The following MMP9 variants were observed in gnomAD, a reference collection of about 807,000 sequenced individuals.
MMP9 encodes the protein matrix metalloproteinase-9.
A neutral mutation model predicts 76.4 loss-of-function variants in MMP9; 73 were observed. That is an observed-to-expected ratio of 0.96 (90% CI 0.79 to 1.16). MMP9 has a LOEUF of 1.16. MMP9 is among the 50% of genes most tolerant of loss of function. MMP9 has a pLI of 0.00. For missense variants in MMP9, 943 were observed against 973.0 expected (o/e 0.97, Z 0.41); for synonymous variants, 412 against 408.4 (o/e 1.01, Z -0.11).
intron 11 of MMP9, 47 bp from the exon 12 acceptor site, chr20:46,014,324 C>G (rs563773373): frequency 1.3e-6 from 2 of 1,540,026 alleles, no homozygotes; most frequent in Non-Finnish European, 1.7e-6. Flanking sequence ...GCCGTCGGTC[C>G]GTCCGCTAGC....
At position 46,013,933 on chromosome 20, in the gene MMP9, TA is replaced by T. The variant is rs2084302467; in HGVS notation, c.1750+138del. The T allele has an allele frequency of 2.1e-6, 3 of 1,429,620 alleles. No individual in the cohort carries two copies. In the Admixed American group the frequency reaches 6.1e-5, roughly 29 times the overall value. The allele number at this position is 1,429,620 out of a possible 1,614,324, so 88.6% of individuals were successfully genotyped here. On this transcript the variant is annotated intron_variant, in intron 10 of 12. Transcript: ENST00000372330. This position sits in a 1 kb window ranked among gnomAD's most constrained non-coding sequence, Gnocchi z 4.5. ...CCTGGCGGACGCAGTTTAGCAAACGTAGGGGCGGCTGAGTTTCTGCCCCCTC... is the reference window on the plus strand; with the variant it reads ...CCTGGCGGACGCAGTTTAGCAAACGTGGGGCGGCTGAGTTTCTGCCCCCTC...
intron 2 of MMP9, 141 bp from the exon 3 acceptor site, chr20:46,010,336 AAAAAAC>A: frequency 1.1e-6 from 1 of 889,874 alleles, no homozygotes. Flanking sequence ...AAAAAAAAAA[AAAAAAC>A]AGTCTGGAAG....
In MMP9 at chr20:46,009,977, G is replaced by T. The variant is rs143695450; in HGVS notation, c.250G>T (p.Gly84Cys). Residue 84 changes from glycine (G) to cysteine (C), a missense_variant, in exon 2 of 13, where the codon GGT (glycine) becomes TGT (cysteine). Physicochemically the swap from Gly to Cys is radical, Grantham distance 159. Transcript: ENST00000372330. ...LQKQLSLPET[G>C]ELDSATLKAM... Reference sequence around the variant, plus strand: ...GAAGCAACTGTCCCTGCCCGAGACCGGTGAGCTGGATAGCGCCACGCTGAA... The same window carrying T: ...GAAGCAACTGTCCCTGCCCGAGACCTGTGAGCTGGATAGCGCCACGCTGAA... 8.9e-5 allele frequency: 138 copies of T among 1,551,698 alleles called. 1 individual carries two copies. Among genetic ancestry groups the T allele is most frequent in the Non-Finnish European group, 1.1e-4 (121 of 1,147,042 alleles).
chr20:46,009,890 A>G lies in MMP9; in HGVS notation c.163A>G (p.Thr55Ala), dbSNP rs1199504802. The change falls in exon 2 of 13, where the codon ACT becomes GCT. Residue 55 changes from threonine to alanine, a missense_variant. Coordinates refer to ENST00000372330, the MANE Select transcript of MMP9 (RefSeq NM_004994.3). ...AEEYLYRYGY[T>A]RVAEMRGESK... ...GGAATACCTGTACCGCTATGGTTAC[A>G]CTCGGGTGGCAGAGATGCGTGGAGA... 1 of 1,552,016 alleles carries G rather than the reference A, an allele frequency of 6.4e-7. No individual in the cohort carries two copies. The highest frequency in any genetic ancestry group is 1.2e-5 in the South Asian group (1 of 84,082).
Position 46,013,526 on chromosome 20 carries a change from C to T in MMP9, c.1602C>T (p.Phe534=). The T allele has an allele frequency of 6.2e-7, 1 of 1,613,932 alleles. No individual in the cohort carries two copies. The highest frequency in any genetic ancestry group is 1.3e-5 in the African/African-American group (1 of 75,056). ...AGATTGGGAACCAGCTGTATTTGTT[C>T]AAGGATGGGTGAGGAGGCGGGGTTG... ...IAEIGNQLYL[F]KDGKYWRFSE... Residue 534 remains phenylalanine, a synonymous_variant, in exon 9 of 13, where the codon TTC becomes TTT. Transcript: ENST00000372330. The surrounding 1 kb of genome is among the most constrained non-coding windows in gnomAD (Gnocchi z 4.5).
chr20:46,010,637 A>G lies in MMP9; in HGVS notation c.520+6A>G. On this transcript the variant is annotated splice_donor_region_variant and intron_variant, in intron 3 of 12. Coordinates refer to ENST00000372330, the MANE Select transcript of MMP9 (RefSeq NM_004994.3). ...CATCCAGTTTGGTGTCGCGGGTGAG[A>G]ACGTGAGGAGGGAAAATCCAAGAGA... is the stretch of plus-strand genomic sequence containing the variant. 1 of 1,612,140 alleles carries G rather than the reference A, an allele frequency of 6.2e-7. No homozygotes were observed. The highest frequency in any genetic ancestry group is 1.1e-5 in the South Asian group (1 of 90,806).
At chr20:46,012,084 A>G in intron 6 of MMP9, 53 bp from the exon 7 acceptor site, 1 of 1,600,152 alleles carries the variant, frequency 6.2e-7, no homozygotes, top group Non-Finnish European at 8.5e-7. Flanking sequence ...TCGGCCCCTG[A>G]CTCCTTATTG....
At position 46,012,420 on chromosome 20, in the gene MMP9, C is replaced by T; in HGVS notation, c.1175-7C>T. The T allele has an allele frequency of 6.2e-7, 1 of 1,614,106 alleles. No homozygotes were observed. The highest frequency in any genetic ancestry group is 8.5e-7 in the Non-Finnish European group (1 of 1,179,956). On this transcript the variant is annotated splice_polypyrimidine_tract_variant and splice_region_variant and intron_variant, in intron 7 of 12. Transcript: ENST00000372330. Reference sequence around the variant, plus strand: ...GCGCTCACGTCTCAGGCTCCCTCTCCCTCCAGGATACAGTTTGTTCCTCGT... The same window carrying T: ...GCGCTCACGTCTCAGGCTCCCTCTCTCTCCAGGATACAGTTTGTTCCTCGT...
Position 46,010,605 on chromosome 20 carries a change from A to G in MMP9, c.494A>G (p.Asp165Gly). The change falls in exon 3 of 13, where the codon GAC becomes GGC. Residue 165 changes from aspartate (D) to glycine (G), a missense_variant. Asp to Gly is a moderately conservative substitution (Grantham distance 94). Transcript: ENST00000372330. Reference sequence around the variant, plus strand: ...ACTCGCGTGTACAGCCGGGACGCAGACATCGTCATCCAGTTTGGTGTCGCG... The same window carrying G: ...ACTCGCGTGTACAGCCGGGACGCAGGCATCGTCATCCAGTTTGGTGTCGCG... Reference protein sequence around the residue: ...TFTRVYSRDADIVIQFGVAEH... With the variant: ...TFTRVYSRDAGIVIQFGVAEH... 1 of 1,613,980 alleles carries G rather than the reference A, an allele frequency of 6.2e-7. No homozygotes were observed. Among genetic ancestry groups the G allele is most frequent in the South Asian group, 1.1e-5 (1 of 91,064 alleles).
Position 46,013,816 on chromosome 20 carries a change from T to C in MMP9, c.1750+20T>C. On this transcript the variant is annotated intron_variant, in intron 10 of 12. Coordinates refer to ENST00000372330, the MANE Select transcript of MMP9 (RefSeq NM_004994.3). The surrounding 1 kb of genome is among the most constrained non-coding windows in gnomAD (Gnocchi z 4.5). ...TCTCTGGTTAGTTACCTACTTTCCC[T>C]CCCCCGCCCGGTCAATCCCCATCAG... 1 of 1,610,978 alleles carries C rather than the reference T, an allele frequency of 6.2e-7. No homozygotes were observed. The highest frequency in any genetic ancestry group is 1.1e-5 in the South Asian group (1 of 90,760).
At position 46,013,875 on chromosome 20, in the gene MMP9, G is replaced by T; in HGVS notation, c.1750+79G>T. 6.3e-7 allele frequency: 1 copy of T among 1,583,394 alleles called. No homozygotes were observed. Among genetic ancestry groups the T allele is most frequent in the Non-Finnish European group, 8.6e-7 (1 of 1,161,266 alleles). On this transcript the variant is annotated intron_variant, in intron 10 of 12. Transcript: ENST00000372330. The surrounding 1 kb of genome is among the most constrained non-coding windows in gnomAD (Gnocchi z 4.5). ...GCTCAAGAGACCATCGATAACCCAC[G>T]AAACGTCTTGTGCGTTTTAGAAAAA...
chr20:46,009,461 C>A (rs2084261948), intron 1 of MMP9, among the ~76,000 whole-genome samples: 1 of 151,940 alleles, frequency 6.6e-6, no homozygotes, highest in Non-Finnish European at 1.5e-5. Flanking sequence ...TCAGAAAGCA[C>A]TGGTGTCTGG....
Position 46,011,594 on chromosome 20 carries a change from A to T in MMP9, c.844A>T (p.Asn282Tyr). 1 of 1,613,392 alleles carries T rather than the reference A, an allele frequency of 6.2e-7. No homozygotes were observed. Among genetic ancestry groups the T allele is most frequent in the Non-Finnish European group, 8.5e-7 (1 of 1,179,870 alleles). The change falls in exon 6 of 13, where the codon AAT becomes TAT. Residue 282 changes from asparagine (N) to tyrosine (Y), a missense_variant. Coordinates refer to ENST00000372330, the MANE Select transcript of MMP9 (RefSeq NM_004994.3). Reference protein sequence around the residue: ...PSERLYTQDGNADGKPCQFPF... With the variant: ...PSERLYTQDGYADGKPCQFPF... The stretch of plus-strand genomic sequence containing the variant: ...CCCAGGACTCTACACCCAGGACGGC[A>T]ATGCTGATGGGAAACCCTGCCAGTT...
intron 2 of MMP9, 145 bp from the exon 3 acceptor site, chr20:46,010,338 A>AAAAAAAAAAAAAAAAC (rs1568846677): frequency 1.7e-6 from 1 of 583,968 alleles, no homozygotes; most frequent in African/African-American, 2.4e-5. Flanking sequence ...AAAAAAAAAA[A>AAAAAAAAAAAAAAAAC]AAACAGTCTG....
rs770617494 is a variant in MMP9, at chr20:46,009,065, GT to G, written c.138+2del. On this transcript the variant is annotated splice_donor_variant, in intron 1 of 12. Transcript: ENST00000372330. LOFTEE classifies it high-confidence loss of function. ...TCTCACCGACAGGCAGCTGGCAGAG[GT>G]GGGCAAACACCTAGTCTAGAGTTGG... The G allele has an allele frequency of 6.2e-6, 10 of 1,613,512 alleles. No homozygotes were observed. The South Asian group carries it at 8.8e-5, about 14-fold the overall frequency.
At chr20:46,012,079 C>A (rs1284296112) in intron 6 of MMP9, 58 bp from the exon 7 acceptor site, 1 of 1,597,898 alleles carries the variant, frequency 6.3e-7, no homozygotes. Context: ...TCGGGTCGGC[C>A]CCTGACTCCT....
At position 46,014,424 on chromosome 20, in the gene MMP9, G is replaced by A. The variant is rs905276176; in HGVS notation, c.1955G>A (p.Arg652Gln). 14 of 1,550,288 alleles carry A rather than the reference G, an allele frequency of 9.0e-6. No homozygotes were observed. The highest frequency in any genetic ancestry group is 1.2e-5 in the Non-Finnish European group (14 of 1,146,994). The change falls in exon 12 of 13, where the codon CGG becomes CAG. Residue 652 changes from arginine (R) to glutamine (Q), a missense_variant. By Grantham distance (43) the Arg-to-Gln change is conservative. Transcript: ENST00000372330. ...CCCCGGAGCGCCAGCGAGGTGGACC[G>A]GATGTTCCCCGGGGTGCCTTTGGAC... ...VDPRSASEVD[R>Q]MFPGVPLDTH...
chr20:46,012,172 G>A lies in MMP9; in HGVS notation c.1033G>A (p.Glu345Lys). The change falls in exon 7 of 13, where the codon GAG becomes AAG. Residue 345 changes from glutamate (E) to lysine (K), a missense_variant. Coordinates refer to ENST00000372330, the MANE Select transcript of MMP9 (RefSeq NM_004994.3). ...GGTGATGGGGGGCAACTCGGCGGGGGAGCTGTGCGTCTTCCCCTTCACTTT... is the reference window on the plus strand; with the variant it reads ...GGTGATGGGGGGCAACTCGGCGGGGAAGCTGTGCGTCTTCCCCTTCACTTT... ...STVMGGNSAG[E>K]LCVFPFTFLG... 6.2e-7 allele frequency: 1 copy of A among 1,614,100 alleles called. No individual in the cohort carries two copies. The highest frequency in any genetic ancestry group is 8.5e-7 in the Non-Finnish European group (1 of 1,180,034).
intron 8 of MMP9, 106 bp downstream of exon 8, chr20:46,012,688 G>A: frequency 2.0e-6 from 3 of 1,504,582 alleles, no homozygotes; most frequent in Admixed American, 1.9e-5. Context: ...GCGTGCAGGA[G>A]AGGTGGGACC....
Sources: gnomAD v4.1 joint callset for allele counts (sites outside exome capture counted in the v4.1 genomes callset) on GRCh38, gnomAD v4.1.1 for gene constraint, Gnocchi (gnomAD v3.1) non-coding constraint, MANE v1.5 for transcripts, NCBI Gene and HGNC (gene_info 2026-07-23, HGNC 2026-07-21) for gene names.